The following BOD1L1 variants were observed in gnomAD, a reference collection of about 807,000 sequenced individuals.
The protein encoded by BOD1L1 is biorientation of chromosomes in cell division 1 like 1, also known as biorientation of chromosomes in cell division protein 1-like 1.
Under a neutral mutation model 240.7 loss-of-function variants are expected in BOD1L1, and 86 were observed. The ratio of observed to expected loss-of-function variants is 0.36; its 90% CI spans 0.30 to 0.43. BOD1L1 has a LOEUF of 0.43. Ranked by LOEUF, BOD1L1 falls within the 20% of genes least tolerant of loss-of-function variation. The pLI, the probability that BOD1L1 is intolerant of heterozygous loss-of-function variation, is 1.00. For missense variants in BOD1L1, 3,554 were observed against 3,643.5 expected (o/e 0.98, Z 0.63); for synonymous variants, 1,268 against 1,272.3 (o/e 1.00, Z 0.07).
chr4:13,607,922 A>G (rs1715842307), intron 8 of BOD1L1, among the ~76,000 whole-genome samples: 1 of 152,224 alleles, frequency 6.6e-6, no homozygotes, highest in African/African-American at 2.4e-5. Flanking sequence ...CAAATTATCA[A>G]ATCAGTTATC....
chr4:13,614,382 C>A lies in BOD1L1; in HGVS notation c.988G>T (p.Glu330Ter). The A allele has an allele frequency of 6.4e-7, 1 of 1,560,774 alleles. No homozygotes were observed. The highest frequency in any genetic ancestry group is 8.7e-7 in the Non-Finnish European group (1 of 1,150,962). The change falls in exon 4 of 26, where the codon GAG becomes TAG. Residue 330 changes from glutamate to a stop codon, truncating the protein, a stop_gained. Transcript: ENST00000040738. LOFTEE classifies it high-confidence loss of function. ...TTTTCTTTCTTTCTTTCTCCTTTCT[C>A]ATTGCTGTCTGGCTTCTTTTCACCT... ...DKGEKKPDSN[E>*]KGERKKEKKE...
intron 1 of BOD1L1, chr4:13,625,048 A>G (rs941891701): frequency 6.7e-6 from 1 of 149,840 alleles, no homozygotes; most frequent in African/African-American, 2.5e-5. Flanking sequence ...CTGTGGCTGA[A>G]TATGTCTTAT....
chr4:13,597,558 T>A (rs1714724971), intron 10 of BOD1L1, among the ~76,000 whole-genome samples: 1 of 152,244 alleles, frequency 6.6e-6, no homozygotes, highest in African/African-American at 2.4e-5. Flanking sequence ...AGATTCACTT[T>A]ACTTGCTTCA....
intron 3 of BOD1L1, 118 bp downstream of exon 3, chr4:13,615,194 G>T: frequency 9.4e-7 from 1 of 1,058,502 alleles, no homozygotes; most frequent in Non-Finnish European, 1.4e-6. Context: ...GATATTTAAA[G>T]TACAATTTCA....
At chr4:13,572,760 A>T in intron 25 of BOD1L1, 1 of 1,289,758 alleles carries the variant, frequency 7.8e-7, no homozygotes, top group Non-Finnish European at 1.0e-6. Flanking sequence ...TCTTTTGCTA[A>T]TTTTTGGCGA....
intron 9 of BOD1L1, among the ~76,000 whole-genome samples, chr4:13,606,890 A>G (rs554347888): frequency 6.6e-6 from 1 of 152,280 alleles, no homozygotes; most frequent in African/African-American, 2.4e-5. Context: ...AAATGGGAAA[A>G]GAGAAGAAGA....
At chr4:13,592,188 C>T (rs1714271699) in intron 12 of BOD1L1, 1 of 487,204 alleles carries the variant, frequency 2.1e-6, no homozygotes, top group Non-Finnish European at 3.7e-6. Flanking sequence ...TTAATGTTGC[C>T]TGCATTTTTT....
chr4:13,621,863 ATTCTT>A (rs1168451708), intron 1 of BOD1L1, among the ~76,000 whole-genome samples: 2 of 112,786 alleles, frequency 1.8e-5, no homozygotes, highest in Non-Finnish European at 3.4e-5. Flanking sequence ...ACTAAAATTA[ATTCTT>A]TTTTTTTTTT....
Position 13,600,298 on chromosome 4 carries a change from G to A in BOD1L1, c.6602C>T (p.Ala2201Val), listed in dbSNP as rs1715014489. Residue 2201 changes from alanine to valine, a missense_variant, in exon 10 of 26, where the codon GCT becomes GTT. Ala to Val is a moderately conservative substitution (Grantham distance 64). Coordinates refer to ENST00000040738, the MANE Select transcript of BOD1L1 (RefSeq NM_148894.3). ...GCTGGTTGAGGCAAGAGGACTTTCA[G>A]CTTCTGGGGGCGCACTGGGCATAGG... is the stretch of plus-strand genomic sequence containing the variant. ...EGPMPSAPPE[A>V]ESPLASTSKE... 1 of 1,614,032 alleles carries A rather than the reference G, an allele frequency of 6.2e-7. No homozygotes were observed. Among genetic ancestry groups the A allele is most frequent in the South Asian group, 1.1e-5 (1 of 91,090 alleles).
At chr4:13,615,829 A>T (rs1716544256) in intron 2 of BOD1L1, among the ~76,000 whole-genome samples, 1 of 152,130 alleles carries the variant, frequency 6.6e-6, no homozygotes, top group Admixed American at 6.5e-5. Context: ...TCTCACCCCT[A>T]CTCTGCTCAT....
At chr4:13,572,454 G>A (rs1432740773) in intron 25 of BOD1L1, among the ~76,000 whole-genome samples, 4 of 152,190 alleles carry the variant, frequency 2.6e-5, no homozygotes, top group African/African-American at 9.7e-5. Context: ...TTGGTGGATG[G>A]GAGAAGGCAG....
At chr4:13,622,107 C>T (rs1053588326) in intron 1 of BOD1L1, among the ~76,000 whole-genome samples, 2 of 152,066 alleles carry the variant, frequency 1.3e-5, no homozygotes, top group South Asian at 4.1e-4. Flanking sequence ...TCAAGTGATC[C>T]ACCTTTCTCG....
At chr4:13,579,016 G>A (rs1269078211) in intron 22 of BOD1L1, among the ~76,000 whole-genome samples, 1 of 152,170 alleles carries the variant, frequency 6.6e-6, no homozygotes, top group East Asian at 1.9e-4. Flanking sequence ...CTGAAATTAT[G>A]GGGATGTTCA....
In BOD1L1 at chr4:13,602,448, G is replaced by A. The variant is rs2108950853; in HGVS notation, c.4452C>T (p.Thr1484=). ...ERRNENSEVD[T]SAGSGSAPSV... is the part of the protein sequence containing the mutation. ...AGGGTGCAGAGCCACTTCCAGCACTGGTGTCTACCTCACTGTTTTCATTCC... is the reference window on the plus strand; with the variant it reads ...AGGGTGCAGAGCCACTTCCAGCACTAGTGTCTACCTCACTGTTTTCATTCC... Residue 1484 remains threonine (T), a synonymous_variant, in exon 10 of 26, where the codon ACC becomes ACT. Transcript: ENST00000040738. 1 of 1,613,948 alleles carries A rather than the reference G, an allele frequency of 6.2e-7. No homozygotes were observed. The highest frequency in any genetic ancestry group is 1.3e-5 in the African/African-American group (1 of 75,030).
rs56832175 is a variant in BOD1L1, at chr4:13,573,438, G to A, written c.9039-3310C>T. Among the ~76,000 whole-genome samples the A allele has an allele frequency of 3.0e-4, 14 of 46,486 alleles. No individual in the cohort carries two copies. The South Asian group carries it at 7.6e-3, about 25-fold the overall frequency. The allele number at this position is 46,486 out of a possible 152,430, so 30.5% of individuals were successfully genotyped here. A position where few individuals can be genotyped will look rare whatever the true frequency, so the allele number is the denominator to read the frequency against. On this transcript the variant is annotated intron_variant, in intron 25 of 25. Coordinates refer to ENST00000040738, the MANE Select transcript of BOD1L1 (RefSeq NM_148894.3). ...TATCTATCTGTCTGTCTGTCTGTCT[G>A]TCTGTCTATCTATCTATCTATCTAT...
chr4:13,617,822 T>C (rs148831466), intron 2 of BOD1L1, among the ~76,000 whole-genome samples: 1 of 152,292 alleles, frequency 6.6e-6, no homozygotes, highest in Non-Finnish European at 1.5e-5. Context: ...AAAAAACTGT[T>C]TGAAATTATA....
chr4:13,573,507 C>CCCTA (rs1553830395), intron 25 of BOD1L1, among the ~76,000 whole-genome samples: 1 of 100,198 alleles, frequency 1.0e-5, no homozygotes, highest in Non-Finnish European at 2.3e-5. Flanking sequence ...GAGAAAGAGC[C>CCCTA]TCTATCTATC....
intron 5 of BOD1L1, among the ~76,000 whole-genome samples, 159 bp from the exon 6 acceptor site, chr4:13,611,259 T>C (rs1453015226): frequency 6.6e-6 from 1 of 152,260 alleles, no homozygotes; most frequent in Non-Finnish European, 1.5e-5. Context: ...CTATAATTCA[T>C]ATTTTTATTT....
chr4:13,582,804 C>T (rs1713344357), intron 17 of BOD1L1, 68 bp from the exon 18 acceptor site: 11 of 1,075,618 alleles, frequency 1.0e-5, no homozygotes, highest in Non-Finnish European at 1.2e-5. Context: ...ATCCTCCCCA[C>T]ACAAGTTTGC....
Sources: allele counts gnomAD v4.1 joint callset (sites outside exome capture counted in the v4.1 genomes callset), GRCh38; gene constraint gnomAD v4.1.1; transcripts MANE v1.5; gene names NCBI Gene and HGNC (gene_info 2026-07-23, HGNC 2026-07-21).